The following MEGF6 variants were observed in gnomAD, a reference collection of about 807,000 sequenced individuals.
MEGF6 encodes the protein multiple EGF like domains 6.
A neutral mutation model predicts 207.1 loss-of-function variants in MEGF6; 184 were observed. That is an observed-to-expected ratio of 0.89 (90% CI 0.79 to 1.00). The LOEUF (loss-of-function observed/expected upper bound fraction) is 1.00, where lower values mean the gene tolerates loss of function less well. Ranked by LOEUF, MEGF6 falls within the 50% of genes least tolerant of loss-of-function variation. The pLI is 0.00. For missense variants in MEGF6, 2,282 were observed against 2,202.9 expected (o/e 1.04, Z -0.72); for synonymous variants, 1,038 against 910.0 (o/e 1.14, Z -2.53).
rs773160718 is a variant in MEGF6 at position 3,505,406 on chromosome 1, C to G, written c.2053+16G>C. The G allele has an allele frequency of 5.6e-6, 9 of 1,600,872 alleles. No homozygotes were observed. The highest frequency in any genetic ancestry group is 7.7e-6 in the Non-Finnish European group (9 of 1,172,496). On this transcript the variant is annotated intron_variant, in intron 16 of 36. Transcript: ENST00000356575. ...CCCTGGCGCCCCCCGCCCCCAGACCCCATGCCTGGACTCACCTGCCTGACA... is the reference window on the plus strand; with the variant it reads ...CCCTGGCGCCCCCCGCCCCCAGACCGCATGCCTGGACTCACCTGCCTGACA...
chr1:3,608,399 G>A (rs1009447104), intron 1 of MEGF6, among the ~76,000 whole-genome samples: 3 of 152,172 alleles, frequency 2.0e-5, no homozygotes, highest in African/African-American at 7.2e-5. Context: ...TCTACACCCT[G>A]GGGTCGGGGA....
chr1:3,551,372 G>A (rs913826827), intron 4 of MEGF6, among the ~76,000 whole-genome samples: 1 of 152,150 alleles, frequency 6.6e-6, no homozygotes, highest in African/African-American at 2.4e-5. Flanking sequence ...TGGGATGTGG[G>A]GAGCCTCCAC....
chr1:3,499,400 AG>A (rs1473968318), intron 23 of MEGF6, 134 bp from the exon 24 acceptor site: 1 of 1,410,774 alleles, frequency 7.1e-7, no homozygotes, highest in African/African-American at 1.4e-5. Flanking sequence ...CCTCTGGCTC[AG>A]GCCACCCACT....
chr1:3,616,678 A>G, the MEGF6 span, among the ~76,000 whole-genome samples: 2 of 152,242 alleles, frequency 1.3e-5, no homozygotes, highest in Non-Finnish European at 2.9e-5. Context: ...GCCTTTGGGT[A>G]GCCGACTCTG....
At chr1:3,564,736 G>T (rs1476696517) in intron 4 of MEGF6, among the ~76,000 whole-genome samples, 1 of 152,114 alleles carries the variant, frequency 6.6e-6, no homozygotes, top group Non-Finnish European at 1.5e-5. Context: ...TGCAACAGGG[G>T]TGAGTGTCCC....
chr1:3,593,997 C>T (rs1455039213), intron 3 of MEGF6, among the ~76,000 whole-genome samples: 1 of 152,184 alleles, frequency 6.6e-6, no homozygotes, highest in East Asian at 1.9e-4. Flanking sequence ...ACTTCAGCCC[C>T]GGTTTGCAGC....
In MEGF6 at chr1:3,509,996, C is replaced by T. The variant is rs757564886; in HGVS notation, c.1235-4G>A. 9.5e-6 allele frequency: 15 copies of T among 1,580,990 alleles called. No homozygotes were observed. Among genetic ancestry groups the T allele is most frequent in the African/African-American group, 9.4e-5 (7 of 74,732 alleles). ...CTGGAGGCGCACTCATCCACATCTG[C>T]GGGCGACCCGGGACCACTGAGGCCT... On this transcript the variant is annotated splice_polypyrimidine_tract_variant and splice_region_variant and intron_variant, in intron 10 of 36. Coordinates refer to ENST00000356575, the MANE Select transcript of MEGF6 (RefSeq NM_001409.4).
At chr1:3,592,806 A>C in intron 3 of MEGF6, among the ~76,000 whole-genome samples, 1 of 152,132 alleles carries the variant, frequency 6.6e-6, no homozygotes, top group East Asian at 1.9e-4. Context: ...AAACAAGCAA[A>C]AGTAAAAGGT....
upstream of MEGF6, among the ~76,000 whole-genome samples, chr1:3,614,143 T>C (rs991899824): frequency 6.6e-6 from 1 of 152,180 alleles, no homozygotes; most frequent in Non-Finnish European, 1.5e-5. Context: ...CGCTCGTCCA[T>C]AGACAGAACC....
At chr1:3,525,709 C>T (rs2101245327) in intron 4 of MEGF6, among the ~76,000 whole-genome samples, 1 of 152,356 alleles carries the variant, frequency 6.6e-6, no homozygotes, top group South Asian at 2.1e-4. Context: ...GCCGGTGGTG[C>T]TCCAGGCATC....
intron 2 of MEGF6, 84 bp from the exon 3 acceptor site, chr1:3,595,531 T>C: frequency 8.2e-7 from 1 of 1,215,432 alleles, no homozygotes; most frequent in East Asian, 2.4e-5. Flanking sequence ...GGAGACTGAC[T>C]CTGCGTCAGC....
At chr1:3,610,299 GC>G (rs1426230242) in intron 1 of MEGF6, among the ~76,000 whole-genome samples, 1 of 152,222 alleles carries the variant, frequency 6.6e-6, no homozygotes, top group Non-Finnish European at 1.5e-5. Context: ...TTTGTGGTGG[GC>G]CCTAGAGCAC....
chr1:3,540,272 G>C (rs904280827), intron 4 of MEGF6, among the ~76,000 whole-genome samples: 1 of 152,316 alleles, frequency 6.6e-6, no homozygotes, highest in East Asian at 1.9e-4. Context: ...GCAGCGCCTC[G>C]GACGGAGCAG....
chr1:3,558,422 G>A (rs1359929860), intron 4 of MEGF6, among the ~76,000 whole-genome samples: 4 of 152,102 alleles, frequency 2.6e-5, no homozygotes, highest in African/African-American at 7.2e-5. Context: ...ATCACTTGAG[G>A]CCAGGAGTTC....
chr1:3,533,763 C>G (rs960808518), intron 4 of MEGF6, among the ~76,000 whole-genome samples: 1 of 152,210 alleles, frequency 6.6e-6, no homozygotes, highest in Non-Finnish European at 1.5e-5. Context: ...CAACAGAATC[C>G]CTGCACCTCC....
At position 3,494,702 on chromosome 1, in the gene MEGF6, G is replaced by A. The variant is rs758784206; in HGVS notation, c.3911C>T (p.Thr1304Ile). The A allele has an allele frequency of 2.3e-5, 36 of 1,585,842 alleles. No individual in the cohort carries two copies. Among genetic ancestry groups the A allele is most frequent in the Non-Finnish European group, 3.0e-5 (35 of 1,167,612 alleles). Residue 1304 changes from threonine (T) to isoleucine (I), a missense_variant, in exon 31 of 37, where the codon ACC (threonine) becomes ATC (isoleucine). Coordinates refer to ENST00000356575, the MANE Select transcript of MEGF6 (RefSeq NM_001409.4). ...CAGGCCCCCATTTCTGCAGGAGCAG[G>A]TGTGCTCGCAGCCCACGCCAAACCG... ...QNRFGVGCEH[T>I]CSCRNGGLCH...
intron 1 of MEGF6, among the ~76,000 whole-genome samples, chr1:3,609,006 T>C (rs180919826): frequency 3.1e-4 from 47 of 152,144 alleles, no homozygotes; most frequent in Non-Finnish European, 5.9e-4. Flanking sequence ...TAACAGGAGG[T>C]TGGCAGTAAC....
intron 2 of MEGF6, among the ~76,000 whole-genome samples, chr1:3,597,320 C>T (rs1013406207): frequency 6.6e-6 from 1 of 152,036 alleles, no homozygotes; most frequent in Non-Finnish European, 1.5e-5. Flanking sequence ...CTCGGGAAGC[C>T]GCCCTGACGC....
At position 3,556,572 on chromosome 1, in the gene MEGF6, C is replaced by T. The variant is rs1286674089; in HGVS notation, c.481+23253G>A. 1.3e-5 allele frequency among the ~76,000 whole-genome samples: 2 copies of T among 152,110 alleles called. No homozygotes were observed. The highest frequency in any genetic ancestry group is 2.4e-5 in the African/African-American group (1 of 41,418). ...GAGCGGGTCACAGAGGCTGCAGCAGCGGAACTACCTGCAAATGAGAGGACA... is the reference window on the plus strand; with the variant it reads ...GAGCGGGTCACAGAGGCTGCAGCAGTGGAACTACCTGCAAATGAGAGGACA... On this transcript the variant is annotated intron_variant, in intron 4 of 36. Transcript: ENST00000356575. This position sits in a 1 kb window ranked among gnomAD's most constrained non-coding sequence, Gnocchi z 4.4.
Sources: allele counts gnomAD v4.1 joint callset (sites outside exome capture counted in the v4.1 genomes callset), GRCh38; gene constraint gnomAD v4.1.1; non-coding constraint Gnocchi (gnomAD v3.1); transcripts MANE v1.5; gene names NCBI Gene and HGNC (gene_info 2026-07-23, HGNC 2026-07-21).